Variants in YTHDF3 observed in about 807,000 individuals in gnomAD.
YTHDF3 encodes YTH N6-methyladenosine RNA binding protein F3.
YTHDF3 carries 9 observed loss-of-function variants against 52.5 expected under a neutral mutation model. That is an observed-to-expected ratio of 0.17 (90% CI 0.10 to 0.30). YTHDF3 has a LOEUF of 0.30. Ranked by LOEUF, YTHDF3 falls within the 10% of genes least tolerant of loss-of-function variation. The pLI is 1.00. For synonymous variants in YTHDF3, 274 were observed against 243.3 expected (o/e 1.13, Z -1.18); for missense variants, 534 against 715.0 (o/e 0.75, Z 2.89).
chr8:63,191,988 A>G (rs1585768779), intron 4 of YTHDF3, among the ~76,000 whole-genome samples: 1 of 152,230 alleles, frequency 6.6e-6, no homozygotes, highest in Non-Finnish European at 1.5e-5. Flanking sequence ...TAAAATATGT[A>G]TATTTTTAAA....
chr8:63,197,071 C>T (rs1204659450), intron 4 of YTHDF3, among the ~76,000 whole-genome samples: 1 of 152,080 alleles, frequency 6.6e-6, no homozygotes, highest in African/African-American at 2.4e-5. Context: ...AGTGTGGGCC[C>T]TTGGTTGGGA....
At position 63,210,917 on chromosome 8, in the gene YTHDF3, T is replaced by C. The variant is rs1196160452; in HGVS notation, c.*1211T>C. On this transcript the variant is annotated 3_prime_UTR_variant, in exon 5 of 5. Coordinates refer to ENST00000539294, the MANE Select transcript of YTHDF3 (RefSeq NM_152758.6). ...TGTATAATTAAATGTGTCAAGCATC[T>C]GTATTAATTGATTTGATGGCATAAG... The C allele has an allele frequency of 6.6e-6, 1 of 152,616 alleles. No homozygotes were observed. Among genetic ancestry groups the C allele is most frequent in the Non-Finnish European group, 1.5e-5 (1 of 67,986 alleles). 9.5% of individuals were successfully genotyped at this position (152,616 alleles called of 1,614,324 possible). A position where few individuals can be genotyped will look rare whatever the true frequency, so the allele number is the denominator to read the frequency against.
chr8:63,202,278 A>G (rs562442483), intron 4 of YTHDF3, among the ~76,000 whole-genome samples: 3 of 152,160 alleles, frequency 2.0e-5, no homozygotes, highest in African/African-American at 7.2e-5. Context: ...TTTACAGTGC[A>G]GAATTGGTTT....
chr8:63,185,332 A>G (rs1399616608), intron 3 of YTHDF3, among the ~76,000 whole-genome samples: 2 of 151,978 alleles, frequency 1.3e-5, no homozygotes, highest in Non-Finnish European at 2.9e-5. Flanking sequence ...TCACTAAATG[A>G]TAAGTATAGT....
At chr8:63,169,969 A>T (rs1374420340) in intron 2 of YTHDF3, among the ~76,000 whole-genome samples, 1 of 152,200 alleles carries the variant, frequency 6.6e-6, no homozygotes, top group East Asian at 1.9e-4. Flanking sequence ...CTGGTATTTT[A>T]TAAAGGGCTG....
At chr8:63,191,058 C>T (rs1808881420) in intron 4 of YTHDF3, among the ~76,000 whole-genome samples, 2 of 152,160 alleles carry the variant, frequency 1.3e-5, no homozygotes, top group Non-Finnish European at 2.9e-5. Flanking sequence ...ACTTAAAGTA[C>T]TATGTATAAG....
chr8:63,173,650 G>A, intron 2 of YTHDF3: 1 of 985,236 alleles, frequency 1.0e-6, no homozygotes, highest in Non-Finnish European at 1.2e-6. Context: ...CTTTGATTTA[G>A]GAGCAGTAAA....
chr8:63,187,988 A>G (rs1258620445), intron 4 of YTHDF3, among the ~76,000 whole-genome samples: 1 of 152,206 alleles, frequency 6.6e-6, no homozygotes, highest in Admixed American at 6.5e-5. Flanking sequence ...GATAAAGGCC[A>G]TTGGGCCTCA....
In YTHDF3 at chr8:63,169,327, C is replaced by T. The variant is rs1807118298; in HGVS notation, c.25-60C>T. On this transcript the variant is annotated intron_variant, in intron 1 of 4. Transcript: ENST00000539294. ...TGTCTTTGATAATGCCTTTGATTAA[C>T]ACACTTTTTCTTTTCTTCCTTTTTC... 6.4e-6 allele frequency: 10 copies of T among 1,555,444 alleles called. No individual in the cohort carries two copies. The South Asian group carries it at 1.2e-4, about 18-fold the overall frequency.
In YTHDF3 at chr8:63,187,199, A is replaced by G. The variant is rs760210078; in HGVS notation, c.1188A>G (p.Glu396=). Residue 396 remains glutamate (E), a synonymous_variant, in exon 4 of 5, where the codon GAA becomes GAG. Coordinates refer to ENST00000539294, the MANE Select transcript of YTHDF3 (RefSeq NM_152758.6). ...GTGTAGAAGTGCATCCCGTGCTGGAAAAGCTAAAGGCCATAAACAACTATA... is the reference window on the plus strand; with the variant it reads ...GTGTAGAAGTGCATCCCGTGCTGGAGAAGCTAAAGGCCATAAACAACTATA... ...PSSVEVHPVL[E]KLKAINNYNP... is the part of the protein sequence containing the mutation. 3.6e-5 allele frequency: 58 copies of G among 1,613,930 alleles called. No individual in the cohort carries two copies. Among genetic ancestry groups the G allele is most frequent in the Admixed American group, 1.7e-5 (1 of 60,006 alleles).
intron 3 of YTHDF3, among the ~76,000 whole-genome samples, chr8:63,185,756 A>C (rs1288004154): frequency 6.6e-6 from 1 of 152,230 alleles, no homozygotes; most frequent in Admixed American, 6.5e-5. Flanking sequence ...AAGTGATTGC[A>C]TACATCAATT....
Position 63,186,192 on chromosome 8 carries a change from T to C in YTHDF3, c.181T>C (p.Tyr61His), listed in dbSNP as rs1380111417. The change falls in exon 4 of 5, where the codon TAT becomes CAT. Residue 61 changes from tyrosine (Y) to histidine (H), a missense_variant. By Grantham distance (83) the Tyr-to-His change is moderately conservative. Coordinates refer to ENST00000539294, the MANE Select transcript of YTHDF3 (RefSeq NM_152758.6). ...GTCAGATCCATACATGCCTAGTTAC[T>C]ATGCTCCATCCATTGGATTTCCATA... ...PMSDPYMPSY[Y>H]APSIGFPYSL... 6.2e-7 allele frequency: 1 copy of C among 1,613,924 alleles called. No homozygotes were observed. Among genetic ancestry groups the C allele is most frequent in the Non-Finnish European group, 8.5e-7 (1 of 1,179,892 alleles).
chr8:63,186,509 T>C lies in YTHDF3; in HGVS notation c.498T>C (p.Ile166=). Residue 166 remains isoleucine (I), a synonymous_variant, in exon 4 of 5, where the codon ATT becomes ATC. Coordinates refer to ENST00000539294, the MANE Select transcript of YTHDF3 (RefSeq NM_152758.6). ...GYPPSSLGRA[I]TDGQAGFGND... ...CACCTAGTTCTCTTGGGAGAGCTAT[T>C]ACTGATGGACAGGCTGGATTTGGCA... 4.3e-6 allele frequency: 7 copies of C among 1,614,030 alleles called. No individual in the cohort carries two copies. Among genetic ancestry groups the C allele is most frequent in the Non-Finnish European group, 5.9e-6 (7 of 1,179,894 alleles).
In YTHDF3 at chr8:63,168,634, C is replaced by G; in HGVS notation, c.-244C>G. On this transcript the variant is annotated 5_prime_UTR_variant, in exon 1 of 5. Coordinates refer to ENST00000539294, the MANE Select transcript of YTHDF3 (RefSeq NM_152758.6). The stretch of plus-strand genomic sequence containing the variant: ...CGGAGCGGAAGTGAGACTAGGGAGT[C>G]TGTCCGCCATTGTGGACCCGAGAAG... The G allele has an allele frequency of 1.5e-6, 1 of 674,640 alleles. No homozygotes were observed. The highest frequency in any genetic ancestry group is 1.8e-5 in the South Asian group (1 of 54,244). 41.8% of individuals were successfully genotyped at this position (674,640 alleles called of 1,614,324 possible).
chr8:63,181,533 A>G (rs928486392), intron 3 of YTHDF3, among the ~76,000 whole-genome samples: 7 of 152,076 alleles, frequency 4.6e-5, no homozygotes, highest in Non-Finnish European at 8.8e-5. Flanking sequence ...CACGATCTCA[A>G]TTTTTGTATG....
At chr8:63,206,770 T>G (rs1485204150) in intron 4 of YTHDF3, among the ~76,000 whole-genome samples, 1 of 152,172 alleles carries the variant, frequency 6.6e-6, no homozygotes, top group Non-Finnish European at 1.5e-5. Context: ...CTCTAAAACT[T>G]CAGCTTTTAA....
chr8:63,186,215 A>T lies in YTHDF3; in HGVS notation c.204A>T (p.Pro68=). ...PSYYAPSIGF[P]YSLGEAAWST... is the part of the protein sequence containing the mutation. The stretch of plus-strand genomic sequence containing the variant: ...ACTATGCTCCATCCATTGGATTTCC[A>T]TATTCTCTTGGGGAAGCAGCGTGGT... Residue 68 remains proline, a synonymous_variant, in exon 4 of 5, where the codon CCA becomes CCT. Transcript: ENST00000539294. 1 of 1,613,984 alleles carries T rather than the reference A, an allele frequency of 6.2e-7. No individual in the cohort carries two copies. The highest frequency in any genetic ancestry group is 8.5e-7 in the Non-Finnish European group (1 of 1,179,892).
At chr8:63,176,321 G>A (rs1313520847) in intron 3 of YTHDF3, among the ~76,000 whole-genome samples, 2 of 152,090 alleles carry the variant, frequency 1.3e-5, no homozygotes, top group African/African-American at 4.8e-5. Context: ...TCGCTCTGTC[G>A]CCCAGGCTGG....
intron 3 of YTHDF3, among the ~76,000 whole-genome samples, chr8:63,180,548 C>T (rs1269204893): frequency 2.0e-5 from 3 of 151,462 alleles, no homozygotes; most frequent in Middle Eastern, 3.5e-3. Context: ...CGGGCAGAGA[C>T]GCTCCTCACT....
Sources: gnomAD v4.1 joint callset for allele counts (sites outside exome capture counted in the v4.1 genomes callset) on GRCh38, gnomAD v4.1.1 for gene constraint, MANE v1.5 for transcripts, NCBI Gene and HGNC (gene_info 2026-07-23, HGNC 2026-07-21) for gene names.